The following FMNL2 variants were observed in gnomAD, a reference collection of about 807,000 sequenced individuals.
FMNL2 encodes formin-like protein 2.
Under a neutral mutation model 130.2 loss-of-function variants are expected in FMNL2, and 51 were observed. The observed-to-expected ratio is 0.39, with a 90% CI of 0.31 to 0.49. The LOEUF is 0.49. Ranked by LOEUF, FMNL2 falls within the 20% of genes least tolerant of loss-of-function variation. The pLI is 0.85. For synonymous variants in FMNL2, 465 were observed against 467.1 expected, an observed-to-expected ratio of 1.00 and a Z score of 0.06; for missense variants, 977 against 1,316.2, an observed-to-expected ratio of 0.74 and a Z score of 3.99.
At chr2:152,535,400 G>A (rs569087293) in intron 2 of FMNL2, among the ~76,000 whole-genome samples, 25 of 152,300 alleles carry the variant, frequency 1.6e-4, no homozygotes, top group African/African-American at 5.5e-4. Flanking sequence ...GATCATCTCA[G>A]TTGGGAAGAG....
intron 1 of FMNL2, among the ~76,000 whole-genome samples, chr2:152,511,704 A>G (rs1692504444): frequency 6.6e-6 from 1 of 152,156 alleles, no homozygotes; most frequent in Non-Finnish European, 1.5e-5. Flanking sequence ...CTGCTGTGAA[A>G]GAGAAGAGGG....
chr2:152,582,508 C>CTA (rs1346339631), intron 9 of FMNL2, among the ~76,000 whole-genome samples: 3 of 151,048 alleles, frequency 2.0e-5, no homozygotes, highest in Admixed American at 2.0e-4. Flanking sequence ...TTTTTTCTTT[C>CTA]TATTGAGCCC....
intron 9 of FMNL2, among the ~76,000 whole-genome samples, chr2:152,597,335 G>C (rs199753507): frequency 3.3e-5 from 5 of 152,212 alleles, no homozygotes; most frequent in African/African-American, 1.2e-4. Context: ...AGAGTGGCTA[G>C]TTCATCTTGC....
At chr2:152,639,249 C>G (rs562913333) in intron 23 of FMNL2, among the ~76,000 whole-genome samples, 97 of 152,286 alleles carry the variant, frequency 6.4e-4, no homozygotes, top group African/African-American at 2.3e-3. Context: ...CAATGGAGAC[C>G]CAAATGTAAA....
chr2:152,583,538 C>G (rs1696903871), intron 9 of FMNL2, among the ~76,000 whole-genome samples: 1 of 152,166 alleles, frequency 6.6e-6, no homozygotes, highest in African/African-American at 2.4e-5. Context: ...ATGGAGTATT[C>G]ACGGAGATTC....
intron 1 of FMNL2, among the ~76,000 whole-genome samples, chr2:152,484,555 T>C (rs1311658836): frequency 6.6e-6 from 1 of 151,702 alleles, no homozygotes; most frequent in Non-Finnish European, 1.5e-5. Flanking sequence ...AAGTATTCAG[T>C]TGAGCCCAGG....
At chr2:152,643,779 C>A in intron 25 of FMNL2, 4 of 985,386 alleles carry the variant, frequency 4.1e-6, no homozygotes, top group Non-Finnish European at 4.8e-6. Flanking sequence ...TAGAATTGTT[C>A]ACAGAAATTT....
At chr2:152,462,051 G>T (rs909687582) in intron 1 of FMNL2, among the ~76,000 whole-genome samples, 1 of 151,968 alleles carries the variant, frequency 6.6e-6, no homozygotes, top group African/African-American at 2.4e-5. Context: ...GTGTACCATC[G>T]TGCCCTGCTA....
intron 10 of FMNL2, among the ~76,000 whole-genome samples, chr2:152,608,851 C>A (rs1409688341): frequency 6.6e-6 from 1 of 151,970 alleles, no homozygotes. Context: ...ACAGTGATGA[C>A]CCTACTTAAA....
In FMNL2 at chr2:152,568,535, C is replaced by T. The variant is rs545762107; in HGVS notation, c.597-6601C>T. 8.5e-5 allele frequency among the ~76,000 whole-genome samples: 13 copies of T among 152,216 alleles called. No individual in the cohort carries two copies. The South Asian group carries it at 1.9e-3, about 22-fold the overall frequency. Reference sequence around the variant, plus strand: ...TGCTTGGTGCTTTACATGTATTAGCCTGTTGTCACACTGCTATAAGGACAT... The same window carrying T: ...TGCTTGGTGCTTTACATGTATTAGCTTGTTGTCACACTGCTATAAGGACAT... On this transcript the variant is annotated intron_variant, in intron 6 of 25. Coordinates refer to ENST00000288670, the MANE Select transcript of FMNL2 (RefSeq NM_052905.4).
At position 152,624,218 on chromosome 2, in the gene FMNL2, C is replaced by T. The variant is rs560718764; in HGVS notation, c.1838-1220C>T. ...TGTTACCCAGGCTAGAGTGCTATGG[C>T]GTGATCTCGGTGCACTGCAACCTCT... On this transcript the variant is annotated intron_variant, in intron 15 of 25. Transcript: ENST00000288670. Among the ~76,000 whole-genome samples the T allele has an allele frequency of 9.9e-4, 149 of 150,972 alleles. 2 individuals are homozygous for T. In the Middle Eastern group the frequency reaches 0.01, roughly 11 times the overall value.
At chr2:152,473,111 T>C (rs1286882316) in intron 1 of FMNL2, among the ~76,000 whole-genome samples, 2 of 152,248 alleles carry the variant, frequency 1.3e-5, no homozygotes, top group Non-Finnish European at 1.5e-5. Context: ...GATCATTCTA[T>C]ATGGAAAAGA....
chr2:152,397,668 T>C (rs1685474756), intron 1 of FMNL2, among the ~76,000 whole-genome samples: 1 of 152,136 alleles, frequency 6.6e-6, no homozygotes, highest in Admixed American at 6.5e-5. Context: ...TTTTTTTCTT[T>C]TATTTGCACA....
intron 22 of FMNL2, 65 bp from the exon 23 acceptor site, chr2:152,637,508 C>T: frequency 2.3e-6 from 3 of 1,277,834 alleles, no homozygotes; most frequent in Non-Finnish European, 3.4e-6. Flanking sequence ...CATCAGCGTT[C>T]CCCCTAGAGC....
intron 1 of FMNL2, among the ~76,000 whole-genome samples, chr2:152,355,945 C>A (rs552516824): frequency 7.9e-5 from 12 of 152,172 alleles, no homozygotes; most frequent in Admixed American, 7.2e-4. Flanking sequence ...TCCTGACTTC[C>A]TTTCTCCCGC....
intron 1 of FMNL2, among the ~76,000 whole-genome samples, chr2:152,475,555 T>C (rs993147512): frequency 2.0e-5 from 3 of 152,150 alleles, no homozygotes; most frequent in Non-Finnish European, 2.9e-5. Flanking sequence ...AGTACGGTAG[T>C]GTGATCTCGG....
intron 1 of FMNL2, among the ~76,000 whole-genome samples, chr2:152,374,332 A>G (rs1684047714): frequency 6.6e-6 from 1 of 152,152 alleles, no homozygotes; most frequent in Non-Finnish European, 1.5e-5. Flanking sequence ...GGAGAGGGTC[A>G]TGGTTATTAG....
At chr2:152,571,754 C>T (rs1474855766) in intron 6 of FMNL2, among the ~76,000 whole-genome samples, 3 of 152,282 alleles carry the variant, frequency 2.0e-5, no homozygotes, top group South Asian at 4.1e-4. Context: ...GCCTTATCCT[C>T]TCTTTCAAAG....
chr2:152,611,629 C>A, intron 11 of FMNL2, 24 bp downstream of exon 11: 1 of 1,446,864 alleles, frequency 6.9e-7, no homozygotes, highest in Non-Finnish European at 9.6e-7. Flanking sequence ...TGACCTTTGG[C>A]TCCAATATAA....
Sources: allele counts gnomAD v4.1 joint callset (sites outside exome capture counted in the v4.1 genomes callset), GRCh38; gene constraint gnomAD v4.1.1; transcripts MANE v1.5; gene names NCBI Gene and HGNC (gene_info 2026-07-23, HGNC 2026-07-21).